CUL5: variants seen among roughly 807,000 people sequenced by gnomAD.
CUL5 encodes cullin-5.
CUL5 carries 26 observed loss-of-function variants against 108.8 expected under a neutral mutation model. The ratio of observed to expected loss-of-function variants is 0.24; its 90% CI spans 0.18 to 0.33. The LOEUF is 0.33. CUL5 is among the 10% of genes least tolerant of loss of function. The pLI, the probability that CUL5 is intolerant of heterozygous loss-of-function variation, is 1.00. For missense variants in CUL5, 524 were observed against 909.2 expected (o/e 0.58, Z 5.45); for synonymous variants, 334 against 298.0 (o/e 1.12, Z -1.25).
intron 2 of CUL5, among the ~76,000 whole-genome samples, chr11:108,043,827 G>A (rs535652559): frequency 1.3e-5 from 2 of 152,274 alleles, no homozygotes; most frequent in South Asian, 2.1e-4. Context: ...TCAGGAGTTC[G>A]AGACCAGCCT....
At chr11:108,059,079 C>G (rs1371518974) in intron 7 of CUL5, among the ~76,000 whole-genome samples, 1 of 152,170 alleles carries the variant, frequency 6.6e-6, no homozygotes, top group Non-Finnish European at 1.5e-5. Flanking sequence ...CAGGTTTGAT[C>G]ATAGTGCACT....
chr11:108,073,560 A>G (rs1591316339), intron 10 of CUL5, 63 bp downstream of exon 10: 2 of 701,574 alleles, frequency 2.9e-6, no homozygotes, highest in Admixed American at 6.2e-5. Flanking sequence ...TTTACTTCTA[A>G]TAATCAATTT....
intron 1 of CUL5, among the ~76,000 whole-genome samples, chr11:108,014,332 TC>T (rs1227243408): frequency 6.6e-6 from 1 of 152,200 alleles, no homozygotes; most frequent in Non-Finnish European, 1.5e-5. Context: ...TGAATAGTGT[TC>T]CTTGGGATTG....
Position 108,048,574 on chromosome 11 carries a change from G to A in CUL5, c.235-1316G>A, listed in dbSNP as rs530038573. 1.4e-4 allele frequency among the ~76,000 whole-genome samples: 21 copies of A among 151,214 alleles called. No homozygotes were observed. The South Asian group carries it at 1.7e-3, about 12-fold the overall frequency. On this transcript the variant is annotated intron_variant, in intron 3 of 18. Transcript: ENST00000393094. Reference sequence around the variant, plus strand: ...CTGAGAAATCTTTCACTGTTACATCGGTGGCATTCTGTTGGTCAAAGTAAA... The same window carrying A: ...CTGAGAAATCTTTCACTGTTACATCAGTGGCATTCTGTTGGTCAAAGTAAA...
intron 9 of CUL5, among the ~76,000 whole-genome samples, chr11:108,072,969 G>A (rs1454751270): frequency 2.0e-5 from 3 of 152,114 alleles, no homozygotes; most frequent in East Asian, 3.9e-4. Context: ...TTGGGAGGCC[G>A]AGGTGGGCAG....
chr11:108,101,414 T>G (rs764678117), intron 18 of CUL5, among the ~76,000 whole-genome samples: 7 of 152,258 alleles, frequency 4.6e-5, no homozygotes, highest in Non-Finnish European at 8.8e-5. Context: ...CAGATGAATT[T>G]ATGGTTCATT....
chr11:108,048,428 G>C (rs1863119854), intron 3 of CUL5, among the ~76,000 whole-genome samples: 1 of 152,096 alleles, frequency 6.6e-6, no homozygotes, highest in Non-Finnish European at 1.5e-5. Flanking sequence ...TGGTCTAAGA[G>C]AGCATTAAAA....
rs377372641 is a variant in CUL5, at chr11:108,070,144, A to G, written c.829A>G (p.Ile277Val). 9.9e-6 allele frequency: 16 copies of G among 1,612,266 alleles called. No homozygotes were observed. Among genetic ancestry groups the G allele is most frequent in the African/African-American group, 6.7e-5 (5 of 74,882 alleles). ...CCTGGTGACATCATTTAAAGAGACT[A>G]TCTTAGCTGAGTGCCAAGGCATGAT... is the stretch of plus-strand genomic sequence containing the variant. Reference protein sequence around the residue: ...NALVTSFKETILAECQGMIKR... With the variant: ...NALVTSFKETVLAECQGMIKR... Residue 277 changes from isoleucine (I) to valine (V), a missense_variant, in exon 8 of 19, where the codon ATC (isoleucine) becomes GTC (valine). By Grantham distance (29) the Ile-to-Val change is conservative. Transcript: ENST00000393094.
At chr11:108,044,185 A>G (rs971905368) in intron 2 of CUL5, among the ~76,000 whole-genome samples, 2 of 152,284 alleles carry the variant, frequency 1.3e-5, no homozygotes, top group East Asian at 3.9e-4. Context: ...TCAAATTAAT[A>G]TGGAGACAAA....
chr11:108,080,952 C>CTTT (rs1299663994), intron 11 of CUL5, among the ~76,000 whole-genome samples: 2 of 136,320 alleles, frequency 1.5e-5, no homozygotes, highest in African/African-American at 5.7e-5. Context: ...GAAGATTTAT[C>CTTT]ATTATTTATT....
Position 108,050,048 on chromosome 11 carries a change from A to G in CUL5, c.393A>G (p.Glu131=), listed in dbSNP as rs1863171527. 7 of 1,609,752 alleles carry G rather than the reference A, an allele frequency of 4.3e-6. No homozygotes were observed. Among genetic ancestry groups the G allele is most frequent in the Non-Finnish European group, 4.2e-6 (5 of 1,178,448 alleles). ...KQGSNKKSNV[E]DSIVRKLMLD... ...GCAGCAATAAAAAATCAAATGTGGA[A>G]GACAGTATTGTTCGAAAGGTAAGAC... Residue 131 remains glutamate, a synonymous_variant, in exon 4 of 19, where the codon GAA becomes GAG. Coordinates refer to ENST00000393094, the MANE Select transcript of CUL5 (RefSeq NM_003478.6).
intron 2 of CUL5, among the ~76,000 whole-genome samples, chr11:108,041,585 T>G (rs1862915144): frequency 6.7e-6 from 1 of 150,300 alleles, no homozygotes; most frequent in South Asian, 2.1e-4. Flanking sequence ...CCCGGCCTGG[T>G]TTTTTCTTTC....
intron 5 of CUL5, among the ~76,000 whole-genome samples, chr11:108,053,542 A>G (rs1029015653): frequency 6.6e-6 from 1 of 152,174 alleles, no homozygotes; most frequent in Non-Finnish European, 1.5e-5. Context: ...ATTAAACTTC[A>G]CATGCAGAGT....
intron 17 of CUL5, 141 bp from the exon 18 acceptor site, chr11:108,098,265 T>A: frequency 1.5e-6 from 1 of 668,778 alleles, no homozygotes; most frequent in Non-Finnish European, 2.3e-6. Flanking sequence ...TAAAGCAATA[T>A]GTAGGTTATT....
At chr11:108,062,562 ATATT>A (rs957750277) in intron 7 of CUL5, among the ~76,000 whole-genome samples, 24 of 148,716 alleles carry the variant, frequency 1.6e-4, no homozygotes, top group South Asian at 6.3e-4. Context: ...AAATAATTAA[ATATT>A]TATTTTATAA....
intron 4 of CUL5, 67 bp from the exon 5 acceptor site, chr11:108,052,593 G>T: frequency 2.1e-6 from 3 of 1,422,690 alleles, no homozygotes; most frequent in Admixed American, 3.9e-5. Context: ...CTTTTTTGGT[G>T]TTTGTACATG....
intron 7 of CUL5, among the ~76,000 whole-genome samples, chr11:108,062,109 T>C (rs954621321): frequency 3.3e-5 from 5 of 152,228 alleles, no homozygotes; most frequent in Admixed American, 6.5e-5. Flanking sequence ...TATATTATAA[T>C]GTAACCTATA....
intron 1 of CUL5, among the ~76,000 whole-genome samples, chr11:108,017,141 C>T (rs1429821002): frequency 1.3e-5 from 2 of 152,100 alleles, no homozygotes; most frequent in Admixed American, 6.5e-5. Context: ...GTAATCCAAG[C>T]ACTTTGGGAG....
chr11:108,092,445 A>G (rs1864383803), intron 13 of CUL5, among the ~76,000 whole-genome samples: 3 of 152,254 alleles, frequency 2.0e-5, no homozygotes, highest in Admixed American at 2.0e-4. Context: ...AAAAGTGGAA[A>G]CAACCCAAAA....
Sources: allele counts gnomAD v4.1 joint callset (sites outside exome capture counted in the v4.1 genomes callset), GRCh38; gene constraint gnomAD v4.1.1; transcripts MANE v1.5; gene names NCBI Gene and HGNC (gene_info 2026-07-23, HGNC 2026-07-21).